The following SAV1 variants were observed in gnomAD, a reference collection of about 807,000 sequenced individuals.
The protein encoded by SAV1 is protein salvador homolog 1.
Under a neutral mutation model 47.3 loss-of-function variants are expected in SAV1, and 23 were observed. The ratio of observed to expected loss-of-function variants is 0.49; its 90% CI spans 0.35 to 0.69. SAV1 has a LOEUF of 0.69. SAV1 is among the 30% of genes least tolerant of loss of function. SAV1 has a pLI of 0.01. For synonymous variants in SAV1, 155 were observed against 159.2 expected (o/e 0.97, Z 0.20); for missense variants, 448 against 457.4 (o/e 0.98, Z 0.19).
chr14:50,656,818 T>C (rs1376694481), intron 2 of SAV1, among the ~76,000 whole-genome samples: 1 of 152,166 alleles, frequency 6.6e-6, no homozygotes, highest in Non-Finnish European at 1.5e-5. Flanking sequence ...ACAAAATCTA[T>C]TGAGATAAAT....
intron 2 of SAV1, among the ~76,000 whole-genome samples, chr14:50,647,535 C>T (rs973766615): frequency 6.6e-5 from 10 of 152,100 alleles, no homozygotes; most frequent in African/African-American, 1.9e-4. Context: ...CTACGGCACT[C>T]CGGTCTGTGC....
At chr14:50,657,372 A>T (rs1325521541) in intron 2 of SAV1, among the ~76,000 whole-genome samples, 1 of 152,132 alleles carries the variant, frequency 6.6e-6, no homozygotes, top group Non-Finnish European at 1.5e-5. Flanking sequence ...AGCTCTTTCC[A>T]TATGTCTTAT....
chr14:50,646,953 G>A (rs1056337622), intron 2 of SAV1, among the ~76,000 whole-genome samples: 3 of 152,020 alleles, frequency 2.0e-5, no homozygotes, highest in African/African-American at 4.8e-5. Flanking sequence ...CACCCACACA[G>A]ACATGGTCAA....
In SAV1 at chr14:50,665,434, A is replaced by C; in HGVS notation, c.280T>G (p.Ser94Ala). The change falls in exon 2 of 5, where the codon TCT becomes GCT. Residue 94 changes from serine to alanine, a missense_variant. Transcript: ENST00000324679. ...EIMRRESNRL[S>A]APSYLARSLA... ...CTTCTGGCAAGATAAGAAGGTGCAG[A>C]TAATCTGTTGCTTTCTCTTCTCATT... is the stretch of plus-strand genomic sequence containing the variant. 1 of 1,613,518 alleles carries C rather than the reference A, an allele frequency of 6.2e-7. No individual in the cohort carries two copies.
chr14:50,651,829 C>T (rs935436303), intron 2 of SAV1, among the ~76,000 whole-genome samples: 1 of 152,160 alleles, frequency 6.6e-6, no homozygotes, highest in African/African-American at 2.4e-5. Context: ...CAGGGTCTCA[C>T]TATGTTGCCC....
intron 2 of SAV1, among the ~76,000 whole-genome samples, chr14:50,647,665 G>C (rs141066777): frequency 6.6e-6 from 1 of 152,106 alleles, no homozygotes; most frequent in Admixed American, 6.5e-5. Context: ...CATATTGATG[G>C]TAAATAGCAC....
At chr14:50,658,462 A>T (rs149840060) in intron 2 of SAV1, among the ~76,000 whole-genome samples, 346 of 152,256 alleles carry the variant, frequency 2.3e-3, no homozygotes, top group Non-Finnish European at 3.2e-3. Context: ...CAAATTTTCT[A>T]ATCTGAAAGT....
chr14:50,656,956 CAG>C (rs2039817731), intron 2 of SAV1, among the ~76,000 whole-genome samples: 2 of 151,522 alleles, frequency 1.3e-5, no homozygotes, highest in African/African-American at 4.9e-5. Flanking sequence ...TGAGTTCAGC[CAG>C]AAAGCTCAAA....
chr14:50,635,523 G>T (rs2039626594), intron 4 of SAV1, 139 bp from the exon 5 acceptor site: 2 of 745,712 alleles, frequency 2.7e-6, no homozygotes, highest in Non-Finnish European at 4.3e-6. Context: ...AAATAACTGG[G>T]CACAGTGGTG....
At chr14:50,663,219 T>C (rs1490092206) in intron 2 of SAV1, 1 of 152,182 alleles carries the variant, frequency 6.6e-6, no homozygotes, top group Non-Finnish European at 1.5e-5. Flanking sequence ...AAAAAGAATT[T>C]GGCATGGAAA....
chr14:50,653,254 G>C (rs529371616), intron 2 of SAV1, among the ~76,000 whole-genome samples: 1 of 152,210 alleles, frequency 6.6e-6, no homozygotes, highest in African/African-American at 2.4e-5. Flanking sequence ...TCCAAATAAA[G>C]CTTGGCGTTA....
intron 2 of SAV1, among the ~76,000 whole-genome samples, chr14:50,646,403 C>T (rs889595219): frequency 1.3e-5 from 2 of 152,012 alleles, no homozygotes; most frequent in East Asian, 1.9e-4. Context: ...ATAAAAATTC[C>T]GGCCGAGCGC....
Position 50,651,007 on chromosome 14 carries a change from G to A in SAV1, c.536-5993C>T, listed in dbSNP as rs142416041. ...ACTGCACTCAAGCCTGAGCAACAGA[G>A]AGAGACTCTGTCTCCAAAAAAAAAA... is the stretch of plus-strand genomic sequence containing the variant. On this transcript the variant is annotated intron_variant, in intron 2 of 4. Transcript: ENST00000324679. 7.5e-4 allele frequency among the ~76,000 whole-genome samples: 114 copies of A among 151,332 alleles called. 6 individuals are homozygous for A. The East Asian group carries it at 0.019, about 25-fold the overall frequency.
chr14:50,635,948 T>C lies in SAV1; in HGVS notation c.951-564A>G, dbSNP rs1329074846. Among the ~76,000 whole-genome samples the C allele has an allele frequency of 4.6e-5, 7 of 152,146 alleles. No homozygotes were observed. In the East Asian group the frequency reaches 1.4e-3, roughly 29 times the overall value. On this transcript the variant is annotated intron_variant, in intron 4 of 4. Coordinates refer to ENST00000324679, the MANE Select transcript of SAV1 (RefSeq NM_021818.4). ...GTTCTCAATCTCCTGACCTCGTTATTCGCCCACCTCAGCCTCCCAAAGTGC... is the reference window on the plus strand; with the variant it reads ...GTTCTCAATCTCCTGACCTCGTTATCCGCCCACCTCAGCCTCCCAAAGTGC...
intron 2 of SAV1, among the ~76,000 whole-genome samples, chr14:50,654,970 C>T (rs977947703): frequency 4.0e-5 from 6 of 149,808 alleles, no homozygotes; most frequent in Admixed American, 1.3e-4. Context: ...CACCCTTGTT[C>T]GGTACCCTTT....
In SAV1 at chr14:50,648,551, G is replaced by A. The variant is rs907634479; in HGVS notation, c.536-3537C>T. The stretch of plus-strand genomic sequence containing the variant: ...TCCCAGCACTTTGGGAGGCCGAGGC[G>A]GGCAGATCATGAGGTCAGGAGATCG... On this transcript the variant is annotated intron_variant, in intron 2 of 4. Transcript: ENST00000324679. Among the ~76,000 whole-genome samples, 4 of 152,084 alleles carry A rather than the reference G, an allele frequency of 2.6e-5. No individual in the cohort carries two copies. The East Asian group carries it at 5.8e-4, about 22-fold the overall frequency.
chr14:50,664,705 A>C (rs1274825918), intron 2 of SAV1: 1 of 152,432 alleles, frequency 6.6e-6, no homozygotes, highest in African/African-American at 2.4e-5. Context: ...TTGTTGAGAA[A>C]AAGGGCAGGA....
At chr14:50,658,449 G>A (rs2039831286) in intron 2 of SAV1, among the ~76,000 whole-genome samples, 1 of 152,086 alleles carries the variant, frequency 6.6e-6, no homozygotes, top group Non-Finnish European at 1.5e-5. Context: ...GAACATTAAA[G>A]GTCAAATTTT....
intron 1 of SAV1, 78 bp downstream of exon 1, chr14:50,667,796 C>G: frequency 8.5e-7 from 1 of 1,173,380 alleles, no homozygotes; most frequent in Non-Finnish European, 1.2e-6. Context: ...CCCTGGAGAC[C>G]CGCCGGCGCC....
Sources: gnomAD v4.1 joint callset for allele counts (sites outside exome capture counted in the v4.1 genomes callset) on GRCh38, gnomAD v4.1.1 for gene constraint, MANE v1.5 for transcripts, NCBI Gene and HGNC (gene_info 2026-07-23, HGNC 2026-07-21) for gene names.